The following PHLDB2 variants were observed in gnomAD, a reference collection of about 807,000 sequenced individuals.
PHLDB2 encodes the protein pleckstrin homology like domain family B member 2.
A neutral mutation model predicts 123.6 loss-of-function variants in PHLDB2; 71 were observed. That is an observed-to-expected ratio of 0.57 (90% CI 0.47 to 0.70). The LOEUF (loss-of-function observed/expected upper bound fraction) is 0.70, where lower values mean the gene tolerates loss of function less well. Ranked by LOEUF, PHLDB2 falls within the 30% of genes least tolerant of loss-of-function variation. The probability of loss-of-function intolerance (pLI) is 0.00; values close to 1 mark genes in which losing one functional copy is unlikely to be tolerated. For missense variants in PHLDB2, 1,446 were observed against 1,519.5 expected (o/e 0.95, Z 0.80); for synonymous variants, 547 against 541.6 (o/e 1.01, Z -0.14).
chr3:111,949,708 T>G, intron 10 of PHLDB2: 2 of 985,050 alleles, frequency 2.0e-6, no homozygotes, highest in African/African-American at 1.7e-5. Flanking sequence ...AAAGCAAAGA[T>G]CACCTGTCTA....
chr3:111,865,244 G>A (rs1459488540), intron 1 of PHLDB2, among the ~76,000 whole-genome samples: 1 of 152,154 alleles, frequency 6.6e-6, no homozygotes, highest in African/African-American at 2.4e-5. Context: ...CCATGGGAAT[G>A]CAGACAAAAC....
At chr3:111,955,000 G>A (rs1332182912) in intron 12 of PHLDB2, among the ~76,000 whole-genome samples, 1 of 151,930 alleles carries the variant, frequency 6.6e-6, no homozygotes, top group East Asian at 1.9e-4. Context: ...CAATGGTACT[G>A]AGAGATAACA....
At chr3:111,881,773 CTTT>C (rs11298720) in intron 1 of PHLDB2, among the ~76,000 whole-genome samples, 2 of 137,432 alleles carry the variant, frequency 1.5e-5, no homozygotes, top group Admixed American at 7.2e-5. Flanking sequence ...CCTCACTTTT[CTTT>C]TTTTTTTTTT....
intron 1 of PHLDB2, chr3:111,845,695 A>G: frequency 9.4e-7 from 1 of 1,061,020 alleles, no homozygotes; most frequent in Non-Finnish European, 1.4e-6. Context: ...TTTCAACTTC[A>G]GCAGTAGTTA....
intron 1 of PHLDB2, among the ~76,000 whole-genome samples, chr3:111,828,895 C>T (rs1241990832): frequency 6.6e-6 from 1 of 152,190 alleles, no homozygotes; most frequent in East Asian, 1.9e-4. Flanking sequence ...AAATGCCACA[C>T]ACTGTGTAGT....
chr3:111,884,496 T>C lies in PHLDB2; in HGVS notation c.419T>C (p.Leu140Ser). 1 of 1,614,154 alleles carries C rather than the reference T, an allele frequency of 6.2e-7. No homozygotes were observed. The highest frequency in any genetic ancestry group is 1.3e-5 in the African/African-American group (1 of 75,058). The change falls in exon 2 of 18, where the codon TTG becomes TCG. Residue 140 changes from leucine to serine, a missense_variant. Leu to Ser is a moderately radical substitution (Grantham distance 145). Coordinates refer to ENST00000431670, the MANE Select transcript of PHLDB2 (RefSeq NM_001134438.2). ...ACTGGCCGGGACAGTGAAAGGGCCT[T>C]GAGGCTCTCAGAGAAGCCTCCCTAT... is the stretch of plus-strand genomic sequence containing the variant. ...HYTGRDSERALRLSEKPPYSK... is the reference protein window; with the variant it reads ...HYTGRDSERASRLSEKPPYSK...
chr3:111,832,418 A>G (rs958548434), intron 1 of PHLDB2, among the ~76,000 whole-genome samples: 4 of 151,532 alleles, frequency 2.6e-5, no homozygotes, highest in Non-Finnish European at 5.9e-5. Context: ...AATTGTACCA[A>G]TTAATCAAAG....
intron 1 of PHLDB2, among the ~76,000 whole-genome samples, chr3:111,804,713 A>C (rs972013534): frequency 1.3e-5 from 2 of 152,192 alleles, no homozygotes; most frequent in South Asian, 2.1e-4. Flanking sequence ...TTACCATTGA[A>C]ATTTTGGGGG....
intron 1 of PHLDB2, among the ~76,000 whole-genome samples, chr3:111,828,245 G>A (rs529045559): frequency 6.6e-6 from 1 of 152,328 alleles, no homozygotes; most frequent in South Asian, 2.1e-4. Context: ...TATAGCAACT[G>A]AAGTCCAACT....
At chr3:111,756,368 T>C (rs1271527068) in intron 1 of PHLDB2, among the ~76,000 whole-genome samples, 2 of 152,192 alleles carry the variant, frequency 1.3e-5, no homozygotes, top group Non-Finnish European at 2.9e-5. Flanking sequence ...TTTAGGATAG[T>C]TAGCTCTTCT....
At chr3:111,816,895 T>A (rs1468770996) in intron 1 of PHLDB2, among the ~76,000 whole-genome samples, 2 of 152,134 alleles carry the variant, frequency 1.3e-5, no homozygotes, top group Non-Finnish European at 2.9e-5. Context: ...GTGATTGAAT[T>A]ATGGGGGTGA....
chr3:111,895,178 CAG>C (rs1196309088), intron 2 of PHLDB2, among the ~76,000 whole-genome samples: 5 of 151,918 alleles, frequency 3.3e-5, no homozygotes, highest in Admixed American at 6.6e-5. Flanking sequence ...ATTGGGGAAA[CAG>C]AGCTAAAGTC....
At chr3:111,841,249 G>A (rs987060729) in intron 1 of PHLDB2, among the ~76,000 whole-genome samples, 3 of 151,966 alleles carry the variant, frequency 2.0e-5, no homozygotes, top group Non-Finnish European at 4.4e-5. Flanking sequence ...ACAGGCACCC[G>A]CCATCACACC....
At chr3:111,823,406 T>A (rs994851941) in intron 1 of PHLDB2, among the ~76,000 whole-genome samples, 3 of 152,252 alleles carry the variant, frequency 2.0e-5, no homozygotes, top group Non-Finnish European at 4.4e-5. Flanking sequence ...CATATCGTAG[T>A]GCTTGAAGGA....
chr3:111,740,719 C>T (rs1299946166), intron 1 of PHLDB2, among the ~76,000 whole-genome samples: 1 of 151,892 alleles, frequency 6.6e-6, no homozygotes, highest in African/African-American at 2.4e-5. Flanking sequence ...CCTTGGCTTG[C>T]CCCCCCACCA....
At chr3:111,888,545 A>T (rs1291440567) in intron 2 of PHLDB2, among the ~76,000 whole-genome samples, 1 of 152,192 alleles carries the variant, frequency 6.6e-6, no homozygotes, top group African/African-American at 2.4e-5. Flanking sequence ...AAAAATGAAG[A>T]AAACTCTTTG....
intron 5 of PHLDB2, among the ~76,000 whole-genome samples, chr3:111,920,948 G>A (rs991826736): frequency 6.6e-6 from 1 of 152,088 alleles, no homozygotes. Context: ...CAAATGTATT[G>A]GAGTTTCTAA....
At chr3:111,744,213 A>C (rs536564225) in intron 1 of PHLDB2, among the ~76,000 whole-genome samples, 5 of 152,234 alleles carry the variant, frequency 3.3e-5, no homozygotes, top group Non-Finnish European at 1.5e-5. Flanking sequence ...AGCCACAGTA[A>C]CAATGAAATA....
chr3:111,898,346 T>A (rs1351237414), intron 2 of PHLDB2, among the ~76,000 whole-genome samples: 1 of 152,052 alleles, frequency 6.6e-6, no homozygotes, highest in Non-Finnish European at 1.5e-5. Flanking sequence ...CACACCCAGC[T>A]ATTTTTTTAC....
Sources: allele counts gnomAD v4.1 joint callset (sites outside exome capture counted in the v4.1 genomes callset), GRCh38; gene constraint gnomAD v4.1.1; transcripts MANE v1.5; gene names NCBI Gene and HGNC (gene_info 2026-07-23, HGNC 2026-07-21).